The following RABGAP1L variants were observed in gnomAD, a reference collection of about 807,000 sequenced individuals.
The protein encoded by RABGAP1L is RAB GTPase activating protein 1 like.
Under a neutral mutation model 137.7 loss-of-function variants are expected in RABGAP1L, and 63 were observed. The observed-to-expected ratio is 0.46, with a 90% CI of 0.37 to 0.56. The LOEUF (loss-of-function observed/expected upper bound fraction) is 0.56, where lower values mean the gene tolerates loss of function less well. Among genes scored for constraint, RABGAP1L ranks in the 20% least tolerant of loss-of-function variants. The pLI, the probability that RABGAP1L is intolerant of heterozygous loss-of-function variation, is 0.00. For synonymous variants in RABGAP1L, 431 were observed against 433.7 expected, an observed-to-expected ratio of 0.99 and a Z score of 0.08; for missense variants, 1,095 against 1,244.0, an observed-to-expected ratio of 0.88 and a Z score of 1.80.
At chr1:174,765,347 C>T (rs773221538) in intron 18 of RABGAP1L, among the ~76,000 whole-genome samples, 3 of 152,096 alleles carry the variant, frequency 2.0e-5, no homozygotes, top group East Asian at 1.9e-4. Flanking sequence ...GCTTATTGGC[C>T]GTTTGTATAT....
At chr1:174,442,948 A>C (rs1272691509) in intron 13 of RABGAP1L, among the ~76,000 whole-genome samples, 2 of 152,092 alleles carry the variant, frequency 1.3e-5, no homozygotes, top group African/African-American at 4.8e-5. Context: ...TATCTCCCAC[A>C]TATGAGTGAG....
chr1:174,306,124 G>C (rs6657341), intron 11 of RABGAP1L, among the ~76,000 whole-genome samples: 1 of 152,158 alleles, frequency 6.6e-6, no homozygotes, highest in South Asian at 2.1e-4. Flanking sequence ...ATAGTATTCC[G>C]TGGTGTATAT....
intron 14 of RABGAP1L, among the ~76,000 whole-genome samples, chr1:174,682,671 T>C (rs1253364338): frequency 6.6e-6 from 1 of 152,216 alleles, no homozygotes; most frequent in Non-Finnish European, 1.5e-5. Context: ...TAGAGAATCC[T>C]AGATGTTTGA....
rs557219457 is a variant in RABGAP1L at position 174,792,417 on chromosome 1, T to C, written c.2212-19415T>C. 3.9e-5 allele frequency among the ~76,000 whole-genome samples: 6 copies of C among 152,196 alleles called. No homozygotes were observed. The South Asian group carries it at 1.2e-3, about 32-fold the overall frequency. ...GATGATTAGCTTAGAGAAAAGAAAA[T>C]TAAGACTGTCTTTGAATATTTTAAT... On this transcript the variant is annotated intron_variant, in intron 18 of 25. Transcript: ENST00000681986.
intron 13 of RABGAP1L, among the ~76,000 whole-genome samples, chr1:174,618,821 T>C (rs1394170025): frequency 6.6e-6 from 1 of 151,844 alleles, no homozygotes; most frequent in Non-Finnish European, 1.5e-5. Context: ...AGAAGAAGGC[T>C]TCAGACGATC....
chr1:174,678,363 T>C (rs954820514), intron 14 of RABGAP1L, among the ~76,000 whole-genome samples: 19 of 152,132 alleles, frequency 1.2e-4, no homozygotes, highest in African/African-American at 4.3e-4. Context: ...CACACTTGTT[T>C]TATAAGGCCA....
intron 19 of RABGAP1L, among the ~76,000 whole-genome samples, chr1:174,863,259 A>G (rs1243936092): frequency 1.3e-5 from 2 of 150,388 alleles, no homozygotes; most frequent in Non-Finnish European, 3.0e-5. Flanking sequence ...GAAAAACAGT[A>G]TATTTAATGG....
chr1:174,472,015 T>C (rs1469937886), intron 13 of RABGAP1L, among the ~76,000 whole-genome samples: 1 of 152,126 alleles, frequency 6.6e-6, no homozygotes, highest in Non-Finnish European at 1.5e-5. Flanking sequence ...ATGCATGCTG[T>C]GTATAAGCCA....
chr1:174,894,041 C>G (rs757600346), intron 19 of RABGAP1L, among the ~76,000 whole-genome samples: 2 of 152,200 alleles, frequency 1.3e-5, no homozygotes, highest in Non-Finnish European at 2.9e-5. Context: ...GGTGCATTTA[C>G]TGAGCTATCT....
At chr1:174,623,723 C>G (rs1019839750) in intron 13 of RABGAP1L, among the ~76,000 whole-genome samples, 14 of 152,128 alleles carry the variant, frequency 9.2e-5, no homozygotes, top group Non-Finnish European at 1.5e-4. Context: ...ATTCTCCGGC[C>G]TCTCTGTAGG....
chr1:174,296,150 C>T (rs768467742), intron 10 of RABGAP1L, among the ~76,000 whole-genome samples: 13 of 152,092 alleles, frequency 8.5e-5, no homozygotes, highest in Non-Finnish European at 8.8e-5. Context: ...GGAGAGAATG[C>T]CTAAAGTATC....
chr1:174,855,872 A>G (rs1649201758), intron 19 of RABGAP1L, among the ~76,000 whole-genome samples: 1 of 152,186 alleles, frequency 6.6e-6, no homozygotes, highest in African/African-American at 2.4e-5. Context: ...TGAGTTTTTC[A>G]TTCTGCTACC....
At chr1:174,446,118 G>A (rs1558241065) in intron 13 of RABGAP1L, among the ~76,000 whole-genome samples, 1 of 152,162 alleles carries the variant, frequency 6.6e-6, no homozygotes, top group South Asian at 2.1e-4. Context: ...TTGGGCTCAG[G>A]TGGAGTCATT....
chr1:174,648,773 T>A (rs1231881624), intron 14 of RABGAP1L, among the ~76,000 whole-genome samples: 1 of 152,140 alleles, frequency 6.6e-6, no homozygotes, highest in Non-Finnish European at 1.5e-5. Context: ...TTCTGTCTTG[T>A]TGATCTGTCT....
intron 11 of RABGAP1L, among the ~76,000 whole-genome samples, chr1:174,334,040 A>T (rs963732369): frequency 6.6e-6 from 1 of 152,210 alleles, no homozygotes; most frequent in Non-Finnish European, 1.5e-5. Flanking sequence ...ACTCAGGAGA[A>T]ACCAGAGAGG....
intron 24 of RABGAP1L, among the ~76,000 whole-genome samples, chr1:174,985,134 A>C (rs1267301334): frequency 1.3e-5 from 2 of 152,172 alleles, no homozygotes; most frequent in Non-Finnish European, 2.9e-5. Context: ...TCATTCCAAC[A>C]CTTTGGGGAG....
rs572468122 is a variant in RABGAP1L, at chr1:174,714,171, T to A, written c.2169+11915T>A. Reference sequence around the variant, plus strand: ...TTTTAGGACAGCAGGGATGTTAATTTAAAAAAAAAAAGAAAAACATTTTTT... The same window carrying A: ...TTTTAGGACAGCAGGGATGTTAATTAAAAAAAAAAAAGAAAAACATTTTTT... On this transcript the variant is annotated intron_variant, in intron 17 of 25. Coordinates refer to ENST00000681986, the MANE Select transcript of RABGAP1L (RefSeq NM_001366446.1). Among the ~76,000 whole-genome samples the A allele has an allele frequency of 2.2e-3, 317 of 147,164 alleles. 3 individuals carry two copies. The highest frequency in any genetic ancestry group is 7.3e-3 in the African/African-American group (294 of 40,152).
chr1:174,349,953 T>G (rs958219793), intron 11 of RABGAP1L, among the ~76,000 whole-genome samples: 106 of 58,788 alleles, frequency 1.8e-3, no homozygotes, highest in South Asian at 4.9e-3. Flanking sequence ...GCTGGCCGGG[T>G]GGGGGGGCTG....
At chr1:174,260,324 A>G (rs548431130) in intron 7 of RABGAP1L, among the ~76,000 whole-genome samples, 4 of 152,330 alleles carry the variant, frequency 2.6e-5, no homozygotes, top group East Asian at 3.9e-4. Context: ...TTGAAGATAA[A>G]TGAATTGGTA....
Sources: allele counts gnomAD v4.1 joint callset (sites outside exome capture counted in the v4.1 genomes callset), GRCh38; gene constraint gnomAD v4.1.1; transcripts MANE v1.5; gene names NCBI Gene and HGNC (gene_info 2026-07-23, HGNC 2026-07-21).